ARHGAP17: variants seen among roughly 807,000 people sequenced by gnomAD.
The protein encoded by ARHGAP17 is rho GTPase-activating protein 17.
In ARHGAP17, 57 loss-of-function variants were observed where a neutral mutation model predicts 99.5. The observed-to-expected ratio is 0.57, with a 90% CI of 0.46 to 0.71. The LOEUF (loss-of-function observed/expected upper bound fraction) is 0.71. Ranked by LOEUF, ARHGAP17 falls within the 30% of genes least tolerant of loss-of-function variation. The pLI is 0.00. For missense variants in ARHGAP17, 1,000 were observed against 1,122.4 expected, an observed-to-expected ratio of 0.89 and a Z score of 1.56; for synonymous variants, 417 against 429.6, an observed-to-expected ratio of 0.97 and a Z score of 0.36.
At position 24,970,663 on chromosome 16, in the gene ARHGAP17, T is replaced by C. The variant is rs1422882954; in HGVS notation, c.199-83A>G. ...TCTTTTTCAGATCATCATTCATTAA[T>C]TTCTCCCTCCAGGCAAATTACACAG... On this transcript the variant is annotated intron_variant, in intron 3 of 19. Coordinates refer to ENST00000289968, the MANE Select transcript of ARHGAP17 (RefSeq NM_001006634.3). 3.7e-6 allele frequency: 5 copies of C among 1,339,398 alleles called. No homozygotes were observed. In the East Asian group the frequency reaches 6.9e-5, roughly 18 times the overall value. The allele number at this position is 1,339,398 out of a possible 1,614,324, so 83.0% of individuals were successfully genotyped here. A position where few individuals can be genotyped will look rare whatever the true frequency, so the allele number is the denominator to read the frequency against.
At position 24,935,455 on chromosome 16, in the gene ARHGAP17, A is replaced by C. The variant is rs377678942; in HGVS notation, c.1894+15T>G. On this transcript the variant is annotated intron_variant, in intron 18 of 19. Coordinates refer to ENST00000289968, the MANE Select transcript of ARHGAP17 (RefSeq NM_001006634.3). ...ACAGGCTTCCCTGAGGGCAAGGAGG[A>C]CGGTGGCTGCTTACCTCGGCGCAGT... 1.7e-5 allele frequency: 27 copies of C among 1,572,130 alleles called. No homozygotes were observed. Among genetic ancestry groups the C allele is most frequent in the African/African-American group, 4.0e-5 (3 of 74,388 alleles).
At chr16:25,005,040 G>C (rs976747810) in intron 1 of ARHGAP17, among the ~76,000 whole-genome samples, 3 of 152,186 alleles carry the variant, frequency 2.0e-5, no homozygotes, top group Non-Finnish European at 4.4e-5. Context: ...TCAGCCTCCT[G>C]AGTACCTGGG....
At chr16:24,939,746 C>A in intron 16 of ARHGAP17, 149 bp from the exon 17 acceptor site, 1 of 755,222 alleles carries the variant, frequency 1.3e-6, no homozygotes, top group Non-Finnish European at 2.2e-6. Flanking sequence ...GACTAATGGC[C>A]ACCCCTGAGC....
chr16:25,003,432 G>A (rs931124117), intron 1 of ARHGAP17, among the ~76,000 whole-genome samples: 8 of 151,778 alleles, frequency 5.3e-5, no homozygotes, highest in Admixed American at 1.3e-4. Flanking sequence ...ACAGGATTTC[G>A]CCGTGTTGGC....
At chr16:24,962,704 C>T (rs2052047641) in intron 7 of ARHGAP17, among the ~76,000 whole-genome samples, 1 of 152,122 alleles carries the variant, frequency 6.6e-6, no homozygotes, top group South Asian at 2.1e-4. Context: ...ACCTACCACT[C>T]TCACAGAGAA....
chr16:25,008,933 T>A (rs763052911), intron 1 of ARHGAP17, among the ~76,000 whole-genome samples: 6 of 152,132 alleles, frequency 3.9e-5, no homozygotes, highest in Non-Finnish European at 8.8e-5. Context: ...CCATAAAAGA[T>A]GAGATTGAGA....
chr16:24,983,635 A>C (rs1298557426), intron 1 of ARHGAP17, among the ~76,000 whole-genome samples: 1 of 152,080 alleles, frequency 6.6e-6, no homozygotes, highest in African/African-American at 2.4e-5. Flanking sequence ...CCATGTTCCT[A>C]AACTTTTTGT....
Position 24,961,585 on chromosome 16 carries a change from T to C in ARHGAP17, c.574-1606A>G, listed in dbSNP as rs541949037. Among the ~76,000 whole-genome samples, 7 of 143,528 alleles carry C rather than the reference T, an allele frequency of 4.9e-5. No individual in the cohort carries two copies. In the South Asian group the frequency reaches 1.7e-3, roughly 34 times the overall value. The allele number at this position is 143,528 out of a possible 152,430, so 94.2% of individuals were successfully genotyped here. ...TTGCTCTGTAGCCCAGGCTGGAGTC[T>C]GGTGGCGCAATCTTGGCCCACCGCA... is the stretch of plus-strand genomic sequence containing the variant. On this transcript the variant is annotated intron_variant, in intron 7 of 19. Transcript: ENST00000289968.
At chr16:24,999,563 T>C (rs1450192674) in intron 1 of ARHGAP17, among the ~76,000 whole-genome samples, 1 of 151,930 alleles carries the variant, frequency 6.6e-6, no homozygotes, top group Non-Finnish European at 1.5e-5. Context: ...ACTACAGGGG[T>C]GTGCCACCTC....
chr16:24,997,237 CATT>C (rs897102206), intron 1 of ARHGAP17, among the ~76,000 whole-genome samples: 8 of 151,482 alleles, frequency 5.3e-5, no homozygotes, highest in African/African-American at 1.7e-4. Flanking sequence ...CATTCTCTAT[CATT>C]ATCACCTGGA....
rs112828566 is a variant in ARHGAP17 at position 24,952,784 on chromosome 16, T to C, written c.964+147A>G. ...GACACAGTGTACATTACATTGTATA[T>C]ACACTAAGGAATTGTAGCAAGAGCC... is the stretch of plus-strand genomic sequence containing the variant. On this transcript the variant is annotated intron_variant, in intron 11 of 19. Coordinates refer to ENST00000289968, the MANE Select transcript of ARHGAP17 (RefSeq NM_001006634.3). 6.9e-5 allele frequency: 46 copies of C among 671,328 alleles called. No individual in the cohort carries two copies. The African/African-American group carries it at 7.0e-4, about 10-fold the overall frequency. 41.6% of individuals were successfully genotyped at this position (671,328 alleles called of 1,614,324 possible).
intron 1 of ARHGAP17, among the ~76,000 whole-genome samples, chr16:24,994,615 ATC>A (rs2053141827): frequency 1.3e-5 from 2 of 152,282 alleles, no homozygotes; most frequent in South Asian, 4.1e-4. Context: ...TTGAGCTCAT[ATC>A]ACATGCTCAG....
chr16:24,950,836 C>CAAACAAAAAAAAAAAA (rs1386246671), intron 12 of ARHGAP17, among the ~76,000 whole-genome samples: 2 of 39,444 alleles, frequency 5.1e-5, no homozygotes, highest in African/African-American at 2.1e-4. Flanking sequence ...GACTCCAACT[C>CAAACAAAAAAAAAAAA]AAAAAAAAAA....
chr16:24,970,570 G>A lies in ARHGAP17; in HGVS notation c.209C>T (p.Pro70Leu). 1.9e-6 allele frequency: 3 copies of A among 1,614,080 alleles called. No homozygotes were observed. Among genetic ancestry groups the A allele is most frequent in the South Asian group, 2.2e-5 (2 of 91,076 alleles). The change falls in exon 4 of 20, where the codon CCT becomes CTT. Residue 70 changes from proline (P) to leucine (L), a missense_variant. By Grantham distance (98) the Pro-to-Leu change is moderately conservative. Transcript: ENST00000289968. ...CATATTTTGAGCAAGAGCTGTCAGA[G>A]GCAGTTTTTTCTGGAAGATAGAAGA... ...TDAERRHKKL[P>L]LTALAQNMQE...
At chr16:24,926,151 AGAGAAGAG>A (rs2050838617) in intron 19 of ARHGAP17, among the ~76,000 whole-genome samples, 1 of 151,942 alleles carries the variant, frequency 6.6e-6, no homozygotes, top group African/African-American at 2.4e-5. Flanking sequence ...AGAGAAGAGA[AGAGAAGAG>A]GAGAAAAGAA....
chr16:24,984,070 A>G (rs72772310), intron 1 of ARHGAP17, among the ~76,000 whole-genome samples: 13,786 of 152,284 alleles, frequency 0.091, 701 homozygotes, highest in Middle Eastern at 0.2. Context: ...TGTACCAAAA[A>G]GACAGAAGAT....
At chr16:25,013,815 T>C (rs188801333) in intron 1 of ARHGAP17, 123 of 152,318 alleles carry the variant, frequency 8.1e-4, no homozygotes, top group African/African-American at 2.7e-3. Flanking sequence ...TAAATACTAG[T>C]TCCACAATGC....
chr16:24,944,146 G>C (rs897333725), intron 14 of ARHGAP17, among the ~76,000 whole-genome samples: 1 of 151,368 alleles, frequency 6.6e-6, no homozygotes, highest in Non-Finnish European at 1.5e-5. Context: ...TGGTGCGTTC[G>C]CATAGTCCCA....
chr16:24,964,076 C>A, intron 7 of ARHGAP17, 121 bp downstream of exon 7: 4 of 634,514 alleles, frequency 6.3e-6, no homozygotes, highest in Non-Finnish European at 7.6e-6. Flanking sequence ...TAAAACCTAC[C>A]TTTAAAATCA....
Sources: gnomAD v4.1 joint callset for allele counts (sites outside exome capture counted in the v4.1 genomes callset) on GRCh38, gnomAD v4.1.1 for gene constraint, MANE v1.5 for transcripts, NCBI Gene and HGNC (gene_info 2026-07-23, HGNC 2026-07-21) for gene names.